Variants in TRMT11 observed in about 807,000 individuals in gnomAD.
The protein encoded by TRMT11 is tRNA methyltransferase 11.
Under a neutral mutation model 62.8 loss-of-function variants are expected in TRMT11, and 53 were observed. That is an observed-to-expected ratio of 0.84 (90% CI 0.68 to 1.06). The LOEUF (loss-of-function observed/expected upper bound fraction) is 1.06. Ranked by LOEUF, TRMT11 falls within the 50% of genes least tolerant of loss-of-function variation. The pLI, the probability that TRMT11 is intolerant of heterozygous loss-of-function variation, is 0.00. For missense variants in TRMT11, 556 were observed against 553.4 expected, an observed-to-expected ratio of 1.00 and a Z score of -0.05; for synonymous variants, 188 against 190.3, an observed-to-expected ratio of 0.99 and a Z score of 0.10.
intron 21 of TRMT11, among the ~76,000 whole-genome samples, chr6:126,152,384 C>G (rs558899601): frequency 3.0e-4 from 46 of 152,072 alleles, no homozygotes; most frequent in African/African-American, 1.1e-3. Context: ...ACTTCAGTCT[C>G]TAAGTGGGTA....
At position 125,988,508 on chromosome 6, in the gene TRMT11, A is replaced by G. The variant is rs114823595; in HGVS notation, c.72+1886A>G. Among the ~76,000 whole-genome samples the G allele has an allele frequency of 1.3e-3, 200 of 152,224 alleles. 1 individual carries two copies. Among genetic ancestry groups the G allele is most frequent in the African/African-American group, 4.6e-3 (193 of 41,522 alleles). On this transcript the variant is annotated intron_variant, in intron 1 of 12. Coordinates refer to ENST00000334379, the MANE Select transcript of TRMT11 (RefSeq NM_001031712.3). ...TGGTGGGAGGGGTTCTCTTTTCAGT[A>G]GGAGGGGAGATTGGACAAGGAAAGT...
chr6:126,044,871 A>C (rs1776002294), intron 16 of TRMT11, among the ~76,000 whole-genome samples: 1 of 151,736 alleles, frequency 6.6e-6, no homozygotes, highest in South Asian at 2.1e-4. Context: ...CTTGGGTATA[A>C]GGAAGAACTG....
chr6:126,193,975 A>G (rs971583311), intron 1 of TRMT11, among the ~76,000 whole-genome samples: 3 of 152,122 alleles, frequency 2.0e-5, no homozygotes, highest in Non-Finnish European at 2.9e-5. Context: ...ATGTGTTTGT[A>G]TTATTTCCAA....
intron 1 of TRMT11, among the ~76,000 whole-genome samples, chr6:126,178,275 C>T (rs2128239649): frequency 6.6e-6 from 1 of 152,318 alleles, no homozygotes; most frequent in Middle Eastern, 3.4e-3. Context: ...CACCCAAAGA[C>T]TGTTCCATGT....
intron 21 of TRMT11, among the ~76,000 whole-genome samples, chr6:126,121,592 T>A (rs1301870696): frequency 1.3e-5 from 2 of 152,064 alleles, no homozygotes; most frequent in African/African-American, 4.8e-5. Flanking sequence ...GTTTCCTTAC[T>A]TTCAAAATGT....
the TRMT11 span, among the ~76,000 whole-genome samples, chr6:126,225,471 G>T: frequency 4.3e-4 from 65 of 151,806 alleles, 1 homozygote; most frequent in East Asian, 9.6e-3. Flanking sequence ...CATTCTCAAT[G>T]CCTTCTTTCT....
the TRMT11 span, among the ~76,000 whole-genome samples, chr6:126,228,349 GC>G: frequency 1.7e-3 from 261 of 152,308 alleles, 2 homozygotes; most frequent in African/African-American, 6.0e-3. Flanking sequence ...GCCAGCACGA[GC>G]ATGAATAGAA....
At chr6:126,203,627 C>T (rs1479067913), downstream of TRMT11, among the ~76,000 whole-genome samples, 3 of 152,012 alleles carry the variant, frequency 2.0e-5, no homozygotes, top group Admixed American at 6.6e-5. Flanking sequence ...CAATTCAGCC[C>T]CAGGACAAAG....
At chr6:126,204,634 T>G (rs1778772787), downstream of TRMT11, among the ~76,000 whole-genome samples, 1 of 152,216 alleles carries the variant, frequency 6.6e-6, no homozygotes. Flanking sequence ...AATTACAGTT[T>G]AATATGACAG....
In TRMT11 at chr6:126,008,034, T is replaced by C. The variant is rs139560827; in HGVS notation, c.680-358T>C. ...TATTCTGTTTATTGCCAGCTCTTTG[T>C]ATAAACAGCCTTATATGCTCATTTT... On this transcript the variant is annotated intron_variant, in intron 7 of 12. Coordinates refer to ENST00000334379, the MANE Select transcript of TRMT11 (RefSeq NM_001031712.3). Among the ~76,000 whole-genome samples the C allele has an allele frequency of 2.7e-3, 405 of 152,170 alleles. 3 individuals are homozygous for C. Among genetic ancestry groups the C allele is most frequent in the African/African-American group, 9.4e-3 (389 of 41,554 alleles).
In TRMT11 at chr6:126,011,332, G is replaced by C. The variant is rs765660460; in HGVS notation, c.840G>C (p.Glu280Asp). ...IRANLRQYGL[E>D]KYYLDVLVSD... ...CCAATCTTCGTCAATATGGTTTAGA[G>C]AAGTATTACCTTGATGTCCTGGTTT... Residue 280 changes from glutamate (E) to aspartate (D), a missense_variant, in exon 9 of 13, where the codon GAG becomes GAC. Transcript: ENST00000334379. The C allele has an allele frequency of 1.9e-6, 3 of 1,613,434 alleles. No homozygotes were observed. The Admixed American group carries it at 5.0e-5, about 27-fold the overall frequency.
intron 21 of TRMT11, among the ~76,000 whole-genome samples, chr6:126,150,788 G>A (rs1265890117): frequency 6.6e-6 from 1 of 152,138 alleles, no homozygotes; most frequent in African/African-American, 2.4e-5. Context: ...TGACTAACAT[G>A]TGATCTGATA....
intron 11 of TRMT11, among the ~76,000 whole-genome samples, chr6:126,020,781 A>C (rs750304237): frequency 3.9e-5 from 6 of 152,236 alleles, no homozygotes; most frequent in Non-Finnish European, 5.9e-5. Context: ...GGAATTTATA[A>C]AAATCTACAG....
At chr6:126,237,065 T>TAGAG in the TRMT11 span, among the ~76,000 whole-genome samples, 1,051 of 142,552 alleles carry the variant, frequency 7.4e-3, 9 homozygotes, top group East Asian at 0.033. Flanking sequence ...CTCCTAGAGA[T>TAGAG]AGAGAGAGAG....
intron 21 of TRMT11, among the ~76,000 whole-genome samples, chr6:126,128,518 C>T (rs1286898101): frequency 6.6e-6 from 1 of 152,096 alleles, no homozygotes; most frequent in East Asian, 1.9e-4. Context: ...CCCATTTTCT[C>T]CCATGTCCTT....
At chr6:126,270,321 A>G in the TRMT11 span, among the ~76,000 whole-genome samples, 2 of 152,134 alleles carry the variant, frequency 1.3e-5, no homozygotes, top group East Asian at 1.9e-4. Flanking sequence ...GTACTCACAG[A>G]AGGGAGATGC....
chr6:126,026,230 T>TAAA (rs1490284335), intron 12 of TRMT11, among the ~76,000 whole-genome samples: 19 of 152,294 alleles, frequency 1.2e-4, no homozygotes, highest in African/African-American at 4.3e-4. Flanking sequence ...ACTATCCTAT[T>TAAA]TTGCTTAAAT....
At chr6:126,158,809 G>C (rs752076436) in intron 21 of TRMT11, among the ~76,000 whole-genome samples, 6 of 152,058 alleles carry the variant, frequency 3.9e-5, no homozygotes, top group East Asian at 3.9e-4. Flanking sequence ...TCCTACAAAG[G>C]CCTCTCTCTC....
intron 12 of TRMT11, among the ~76,000 whole-genome samples, chr6:126,030,409 G>A (rs1773981403): frequency 6.6e-6 from 1 of 152,076 alleles, no homozygotes; most frequent in Non-Finnish European, 1.5e-5. Context: ...AAAATAAACC[G>A]ACCCATTGTT....
Sources: allele counts gnomAD v4.1 joint callset (sites outside exome capture counted in the v4.1 genomes callset), GRCh38; gene constraint gnomAD v4.1.1; transcripts MANE v1.5; gene names NCBI Gene and HGNC (gene_info 2026-07-23, HGNC 2026-07-21).